SSH2: variants seen among roughly 807,000 people sequenced by gnomAD.
SSH2 encodes the protein slingshot protein phosphatase 2.
Under a neutral mutation model 135.2 loss-of-function variants are expected in SSH2, and 37 were observed. The observed-to-expected ratio is 0.27, with a 90% CI of 0.21 to 0.36. SSH2 has a LOEUF of 0.36. Among genes scored for constraint, SSH2 ranks in the 10% least tolerant of loss-of-function variants. The probability of loss-of-function intolerance (pLI) is 1.00; values close to 1 mark genes in which losing one functional copy is unlikely to be tolerated. For missense variants in SSH2, 1,408 were observed against 1,765.3 expected (o/e 0.80, Z 3.63); for synonymous variants, 628 against 646.2 (o/e 0.97, Z 0.43).
intron 6 of SSH2, 53 bp downstream of exon 6, chr17:29,684,510 G>T: frequency 2.7e-6 from 4 of 1,460,958 alleles, no homozygotes; most frequent in Non-Finnish European, 3.7e-6. Context: ...AAAAGCAACT[G>T]GAACAGGTTA....
chr17:29,727,870 AG>A (rs1161480476), intron 3 of SSH2, among the ~76,000 whole-genome samples: 1 of 152,214 alleles, frequency 6.6e-6, no homozygotes, highest in Non-Finnish European at 1.5e-5. Flanking sequence ...CCAATTGGAA[AG>A]GAAGAAGTCA....
At chr17:29,859,323 G>A (rs1188082053) in intron 1 of SSH2, among the ~76,000 whole-genome samples, 3 of 151,696 alleles carry the variant, frequency 2.0e-5, no homozygotes, top group Admixed American at 6.6e-5. Flanking sequence ...AAGTTCCTGG[G>A]TATATATGCA....
At chr17:29,692,477 T>C (rs552950247) in intron 5 of SSH2, among the ~76,000 whole-genome samples, 1 of 152,252 alleles carries the variant, frequency 6.6e-6, no homozygotes, top group Non-Finnish European at 1.5e-5. Flanking sequence ...TCTGAATTTA[T>C]ATTTTATAAA....
In SSH2 at chr17:29,719,997, G is replaced by A. The variant is rs1035655328; in HGVS notation, c.189-16935C>T. Reference sequence around the variant, plus strand: ...TGGTCTCGAACTCCTGACCTCAGGTGATTCACCTGCCTTGGCCTACTAAAG... The same window carrying A: ...TGGTCTCGAACTCCTGACCTCAGGTAATTCACCTGCCTTGGCCTACTAAAG... On this transcript the variant is annotated intron_variant, in intron 3 of 15. Transcript: ENST00000540801. 2.0e-5 allele frequency among the ~76,000 whole-genome samples: 3 copies of A among 152,216 alleles called. No individual in the cohort carries two copies. The East Asian group carries it at 5.8e-4, about 29-fold the overall frequency.
chr17:29,657,276 T>C (rs889586280), intron 11 of SSH2, among the ~76,000 whole-genome samples: 2 of 150,214 alleles, frequency 1.3e-5, no homozygotes, highest in African/African-American at 4.9e-5. Flanking sequence ...CTACTTTCTT[T>C]TTTCTTTTTG....
intron 1 of SSH2, among the ~76,000 whole-genome samples, chr17:29,851,676 T>A (rs1311705353): frequency 1.3e-5 from 2 of 151,682 alleles, no homozygotes; most frequent in African/African-American, 4.8e-5. Flanking sequence ...CTGGGCAACA[T>A]AGTAAGACCC....
intron 5 of SSH2, among the ~76,000 whole-genome samples, chr17:29,688,015 T>TA (rs1380338998): frequency 1.3e-5 from 2 of 151,890 alleles, no homozygotes; most frequent in South Asian, 2.1e-4. Context: ...AGTGTTTTTT[T>TA]TTTTTTATTT....
intron 2 of SSH2, among the ~76,000 whole-genome samples, chr17:29,844,373 C>T (rs943954287): frequency 2.6e-5 from 4 of 152,050 alleles, no homozygotes; most frequent in South Asian, 2.1e-4. Context: ...AAGAAATAGC[C>T]CTACAATGGT....
intron 4 of SSH2, among the ~76,000 whole-genome samples, chr17:29,699,751 T>C (rs1332270976): frequency 2.6e-5 from 4 of 152,216 alleles, no homozygotes; most frequent in East Asian, 1.9e-4. Flanking sequence ...TTCTTTTTAC[T>C]GTAAGGGATA....
chr17:29,764,799 T>A (rs980181889), intron 3 of SSH2, among the ~76,000 whole-genome samples: 1 of 152,204 alleles, frequency 6.6e-6, no homozygotes, highest in African/African-American at 2.4e-5. Context: ...AATGCTTAAG[T>A]AGAAAATGCT....
intron 1 of SSH2, among the ~76,000 whole-genome samples, chr17:29,912,242 A>C (rs141695944): frequency 2.0e-5 from 3 of 152,358 alleles, no homozygotes; most frequent in Admixed American, 2.0e-4. Flanking sequence ...AATCAAATAC[A>C]CTATTAATGG....
chr17:29,720,985 CT>C (rs1223546609), intron 3 of SSH2, among the ~76,000 whole-genome samples: 1 of 152,210 alleles, frequency 6.6e-6, no homozygotes, highest in Non-Finnish European at 1.5e-5. Flanking sequence ...CTACTGGTTT[CT>C]TGCAAATTTA....
intron 9 of SSH2, among the ~76,000 whole-genome samples, chr17:29,669,375 T>A (rs1031224439): frequency 6.6e-6 from 1 of 152,266 alleles, no homozygotes; most frequent in Non-Finnish European, 1.5e-5. Flanking sequence ...GTATATTCCC[T>A]TCTTCCTCCT....
chr17:29,759,950 G>A (rs1021161158), intron 3 of SSH2, among the ~76,000 whole-genome samples: 1 of 152,046 alleles, frequency 6.6e-6, no homozygotes, highest in Non-Finnish European at 1.5e-5. Flanking sequence ...GTTTTTAGAC[G>A]GAAAATGCAA....
At chr17:29,695,367 G>T in intron 5 of SSH2, 92 bp downstream of exon 5, 1 of 900,710 alleles carries the variant, frequency 1.1e-6, no homozygotes, top group Non-Finnish European at 1.8e-6. Context: ...ATAGTTCCCA[G>T]CACTGTGTTG....
chr17:29,673,661 A>T (rs1377692756), intron 8 of SSH2, among the ~76,000 whole-genome samples: 1 of 152,182 alleles, frequency 6.6e-6, no homozygotes, highest in Non-Finnish European at 1.5e-5. Context: ...AAAAGGCAGA[A>T]ATATCTTGTA....
intron 2 of SSH2, among the ~76,000 whole-genome samples, chr17:29,822,113 T>C (rs1204610796): frequency 2.0e-5 from 3 of 152,340 alleles, no homozygotes; most frequent in African/African-American, 7.2e-5. Flanking sequence ...TATCATTCAA[T>C]GCATTTGTCC....
At chr17:29,703,142 C>G (rs879119910) in intron 3 of SSH2, 80 bp from the exon 4 acceptor site, 9 of 956,920 alleles carry the variant, frequency 9.4e-6, no homozygotes, top group African/African-American at 1.6e-5. Flanking sequence ...CTTTTGGATT[C>G]TCTCTTCTCT....
intron 1 of SSH2, among the ~76,000 whole-genome samples, chr17:29,899,316 T>A (rs1295369691): frequency 6.6e-6 from 1 of 151,690 alleles, no homozygotes; most frequent in Non-Finnish European, 1.5e-5. Flanking sequence ...GGGTATTCAA[T>A]TAGGAAAAGA....
Sources: gnomAD v4.1 joint callset for allele counts (sites outside exome capture counted in the v4.1 genomes callset) on GRCh38, gnomAD v4.1.1 for gene constraint, MANE v1.5 for transcripts, NCBI Gene and HGNC (gene_info 2026-07-23, HGNC 2026-07-21) for gene names.